STARD13: variants seen among roughly 807,000 people sequenced by gnomAD.
The protein encoded by STARD13 is stAR-related lipid transfer protein 13.
Under a neutral mutation model 106.4 loss-of-function variants are expected in STARD13, and 62 were observed. The ratio of observed to expected loss-of-function variants is 0.58; its 90% CI spans 0.48 to 0.72. The LOEUF is 0.72. Among genes scored for constraint, STARD13 ranks in the 30% least tolerant of loss-of-function variants. The pLI, the probability that STARD13 is intolerant of heterozygous loss-of-function variation, is 0.00. For synonymous variants in STARD13, 565 were observed against 553.0 expected (o/e 1.02, Z -0.31); for missense variants, 1,387 against 1,424.0 (o/e 0.97, Z 0.42).
chr13:33,494,980 C>G, the STARD13 span, among the ~76,000 whole-genome samples: 756 of 152,302 alleles, frequency 5.0e-3, 3 homozygotes, highest in Non-Finnish European at 7.7e-3. Context: ...TGCAGTCTGT[C>G]TGAATGTTAT....
At chr13:33,120,242 A>T (rs963596443) in intron 7 of STARD13, among the ~76,000 whole-genome samples, 1 of 152,248 alleles carries the variant, frequency 6.6e-6, no homozygotes, top group African/African-American at 2.4e-5. Flanking sequence ...GTTTCTGTTT[A>T]AATTGTCGAG....
At position 33,328,449 on chromosome 13, in the gene STARD13, C is replaced by T. The variant is rs2077801199; in HGVS notation, c.124+21841G>A. Among the ~76,000 whole-genome samples, 4 of 152,362 alleles carry T rather than the reference C, an allele frequency of 2.6e-5. No individual in the cohort carries two copies. The South Asian group carries it at 8.3e-4, about 32-fold the overall frequency. Reference sequence around the variant, plus strand: ...GCACGAGACGTGCTTAGCACAGTCTCTGTGCTAAAACATAGCAAGGACTCC... The same window carrying T: ...GCACGAGACGTGCTTAGCACAGTCTTTGTGCTAAAACATAGCAAGGACTCC... On this transcript the variant is annotated intron_variant, in intron 1 of 5. Transcript: ENST00000567873.
intron 1 of STARD13, among the ~76,000 whole-genome samples, chr13:33,233,591 C>T (rs1889035192): frequency 6.6e-6 from 1 of 152,338 alleles, no homozygotes; most frequent in African/African-American, 2.4e-5. Flanking sequence ...GTCTTGGATG[C>T]TGGACAAGAG....
intron 1 of STARD13, among the ~76,000 whole-genome samples, chr13:33,186,575 A>G (rs1377382096): frequency 1.3e-5 from 2 of 152,312 alleles, no homozygotes; most frequent in East Asian, 3.9e-4. Context: ...TCCTCATTGT[A>G]TAATGCAGGT....
the STARD13 span, among the ~76,000 whole-genome samples, chr13:33,448,320 A>G: frequency 1.3e-5 from 2 of 152,230 alleles, no homozygotes; most frequent in East Asian, 3.9e-4. Flanking sequence ...CTTCAATGAG[A>G]ACAACTTTTT....
intron 4 of STARD13, among the ~76,000 whole-genome samples, chr13:33,139,185 C>A (rs1879481573): frequency 6.6e-6 from 1 of 152,202 alleles, no homozygotes; most frequent in African/African-American, 2.4e-5. Flanking sequence ...GAGACCCTTG[C>A]AGGTGTCAGG....
At chr13:33,388,244 C>T in the STARD13 span, among the ~76,000 whole-genome samples, 3 of 151,852 alleles carry the variant, frequency 2.0e-5, no homozygotes, top group Non-Finnish European at 4.4e-5. Context: ...AAACAGACAT[C>T]AAGACTGAGG....
intron 1 of STARD13, among the ~76,000 whole-genome samples, chr13:33,323,596 G>C (rs1000019025): frequency 6.6e-6 from 1 of 152,112 alleles, no homozygotes; most frequent in Admixed American, 6.5e-5. Flanking sequence ...GTACATACAT[G>C]GTACTTAGCT....
At chr13:33,379,953 T>C in the STARD13 span, among the ~76,000 whole-genome samples, 5 of 152,250 alleles carry the variant, frequency 3.3e-5, no homozygotes, top group Non-Finnish European at 7.3e-5. Flanking sequence ...ATAAGGTCCC[T>C]GCACTCAAGG....
At chr13:33,528,257 C>CATATATATGTATATATATATAT in the STARD13 span, among the ~76,000 whole-genome samples, 334 of 92,844 alleles carry the variant, frequency 3.6e-3, 9 homozygotes, top group South Asian at 0.014. Flanking sequence ...TATATATATA[C>CATATATATGTATATATATATAT]ATATATATAT....
At chr13:33,447,586 A>G in the STARD13 span, among the ~76,000 whole-genome samples, 1 of 152,220 alleles carries the variant, frequency 6.6e-6, no homozygotes, top group Non-Finnish European at 1.5e-5. Context: ...TGTCATGCTT[A>G]TCTGGAAGCA....
At chr13:33,464,371 A>G in the STARD13 span, among the ~76,000 whole-genome samples, 1 of 152,234 alleles carries the variant, frequency 6.6e-6, no homozygotes, top group Non-Finnish European at 1.5e-5. Flanking sequence ...ATACAAGTCA[A>G]TTATTGTAAC....
At chr13:33,607,254 G>C in the STARD13 span, among the ~76,000 whole-genome samples, 1 of 151,132 alleles carries the variant, frequency 6.6e-6, no homozygotes, top group East Asian at 1.9e-4. Flanking sequence ...CAAAAACATG[G>C]TGTTTAAGAT....
At chr13:33,602,516 T>TG in the STARD13 span, among the ~76,000 whole-genome samples, 29 of 152,204 alleles carry the variant, frequency 1.9e-4, 1 homozygote, top group East Asian at 5.6e-3. Flanking sequence ...TTTAAGAAGG[T>TG]GGGGGGCAGT....
the STARD13 span, among the ~76,000 whole-genome samples, chr13:33,633,789 ACT>A: frequency 6.6e-6 from 1 of 152,130 alleles, no homozygotes; most frequent in Non-Finnish European, 1.5e-5. Flanking sequence ...AGGTGACGTG[ACT>A]CTGCAAACAG....
rs375147322 is a variant in STARD13 at position 33,111,871 on chromosome 13, G to A, written c.2514C>T (p.Ala838=). Residue 838 remains alanine, a synonymous_variant, in exon 10 of 14, where the codon GCC becomes GCT. Transcript: ENST00000336934. The part of the protein sequence containing the change: ...SSPRVIQKKY[A]TGKPDQKDLN... ...GGTCCTTTTGATCTGGCTTCCCAGTGGCATATTTCTTCTGTATGACTCTGT... is the reference window on the plus strand; with the variant it reads ...GGTCCTTTTGATCTGGCTTCCCAGTAGCATATTTCTTCTGTATGACTCTGT... 6.2e-7 allele frequency: 1 copy of A among 1,613,432 alleles called. No homozygotes were observed. Among genetic ancestry groups the A allele is most frequent in the African/African-American group, 1.3e-5 (1 of 74,890 alleles).
chr13:33,290,610 A>G (rs1892255733), upstream of STARD13, among the ~76,000 whole-genome samples: 1 of 152,246 alleles, frequency 6.6e-6, no homozygotes, highest in African/African-American at 2.4e-5. Context: ...AAACACTTGT[A>G]AGTGGTAATA....
chr13:33,167,393 A>T (rs1883444395), intron 2 of STARD13, among the ~76,000 whole-genome samples, 158 bp downstream of exon 2: 1 of 152,192 alleles, frequency 6.6e-6, no homozygotes, highest in Non-Finnish European at 1.5e-5. Flanking sequence ...AATTGGTATC[A>T]GGATAACCCC....
At position 33,129,253 on chromosome 13, in the gene STARD13, A is replaced by G; in HGVS notation, c.1424T>C (p.Leu475Ser). 1 of 1,614,184 alleles carries G rather than the reference A, an allele frequency of 6.2e-7. No individual in the cohort carries two copies. Among genetic ancestry groups the G allele is most frequent in the Non-Finnish European group, 8.5e-7 (1 of 1,180,020 alleles). ...GAAAAGGTCATCTTTCTCCAAGTCC[A>G]AAAGATCTCCTGTGCTGGCATACAG... Reference protein sequence around the residue: ...SHLYASTGDLLDLEKDDLFPH... With the variant: ...SHLYASTGDLSDLEKDDLFPH... Residue 475 changes from leucine (L) to serine (S), a missense_variant, in exon 5 of 14, where the codon TTG becomes TCG. Physicochemically the swap from Leu to Ser is moderately radical, Grantham distance 145. Transcript: ENST00000336934.
Sources: gnomAD v4.1 joint callset for allele counts (sites outside exome capture counted in the v4.1 genomes callset) on GRCh38, gnomAD v4.1.1 for gene constraint, MANE v1.5 for transcripts, NCBI Gene and HGNC (gene_info 2026-07-23, HGNC 2026-07-21) for gene names.